MARCHF7: variants seen among roughly 807,000 people sequenced by gnomAD.
The protein encoded by MARCHF7 is E3 ubiquitin-protein ligase MARCHF7.
A neutral mutation model predicts 76.5 loss-of-function variants in MARCHF7; 20 were observed. The observed-to-expected ratio is 0.26, with a 90% CI of 0.18 to 0.38. The LOEUF is 0.38. MARCHF7 is among the 10% of genes least tolerant of loss of function. The pLI, the probability that MARCHF7 is intolerant of heterozygous loss-of-function variation, is 1.00. For synonymous variants in MARCHF7, 295 were observed against 293.0 expected (o/e 1.01, Z -0.07); for missense variants, 797 against 812.9 (o/e 0.98, Z 0.24).
chr2:159,767,146 A>G (rs1036287393), intron 11 of MARCHF7, 138 bp from the exon 12 acceptor site: 8 of 646,200 alleles, frequency 1.2e-5, no homozygotes, highest in African/African-American at 7.4e-5. Context: ...CTGTCATACA[A>G]CTTATCATTT....
intron 8 of MARCHF7, among the ~76,000 whole-genome samples, chr2:159,757,818 A>G (rs566209999): frequency 3.9e-5 from 6 of 152,320 alleles, no homozygotes; most frequent in African/African-American, 1.4e-4. Flanking sequence ...TAGACTCCAA[A>G]AAGACGCTTG....
At chr2:159,764,773 C>A in intron 11 of MARCHF7, 99 bp downstream of exon 11, 2 of 800,870 alleles carry the variant, frequency 2.5e-6, no homozygotes, top group Non-Finnish European at 3.9e-6. Flanking sequence ...CAAATTAGAG[C>A]TCATTTATAG....
intron 4 of MARCHF7, among the ~76,000 whole-genome samples, chr2:159,735,775 T>C (rs542051874): frequency 6.6e-6 from 1 of 152,374 alleles, no homozygotes; most frequent in East Asian, 1.9e-4. Context: ...TGAATAATGC[T>C]GCTATAAACA....
chr2:159,759,777 T>C (rs1248347205), intron 9 of MARCHF7, among the ~76,000 whole-genome samples: 1 of 152,122 alleles, frequency 6.6e-6, no homozygotes, highest in African/African-American at 2.4e-5. Context: ...AGATATGCTG[T>C]AAAAGGAATG....
chr2:159,725,921 G>A (rs899015231), intron 3 of MARCHF7, among the ~76,000 whole-genome samples: 13 of 152,276 alleles, frequency 8.5e-5, no homozygotes, highest in Middle Eastern at 3.4e-3. Flanking sequence ...ATCTTATCAC[G>A]GGTGTTTGGT....
intron 9 of MARCHF7, among the ~76,000 whole-genome samples, chr2:159,762,260 G>A (rs1707203962): frequency 6.6e-6 from 1 of 152,166 alleles, no homozygotes; most frequent in African/African-American, 2.4e-5. Context: ...AGGCAGCTTG[G>A]AAGTGGGAGC....
At chr2:159,715,582 G>A (rs1700944385) in intron 2 of MARCHF7, 99 bp from the exon 3 acceptor site, 1 of 152,132 alleles carries the variant, frequency 6.6e-6, no homozygotes, top group African/African-American at 2.4e-5. Flanking sequence ...CTTAGCTCAA[G>A]GAATCCTCCC....
chr2:159,752,619 G>T, intron 8 of MARCHF7, 48 bp downstream of exon 8: 1 of 1,373,752 alleles, frequency 7.3e-7, no homozygotes, highest in Non-Finnish European at 9.6e-7. Flanking sequence ...AGAGATGCAT[G>T]TATGTATGCG....
At chr2:159,722,804 T>G (rs1701777353) in intron 3 of MARCHF7, among the ~76,000 whole-genome samples, 1 of 152,258 alleles carries the variant, frequency 6.6e-6, no homozygotes. Context: ...TCAATTTATG[T>G]AGAGGAGTTG....
intron 3 of MARCHF7, among the ~76,000 whole-genome samples, chr2:159,719,179 C>T (rs567777923): frequency 7.2e-5 from 11 of 152,166 alleles, no homozygotes; most frequent in African/African-American, 2.7e-4. Flanking sequence ...CGAGGTTTCA[C>T]CGTGTTGGCC....
Position 159,769,625 on chromosome 2 carries a change from A to AGTGTAGCCACT in MARCHF7, c.*2284_*2285insTGTAGCCACTG, listed in dbSNP as rs1443289233. 1 of 138,100 alleles carries AGTGTAGCCACT rather than the reference A, an allele frequency of 7.2e-6. No homozygotes were observed. Among genetic ancestry groups the AGTGTAGCCACT allele is most frequent in the East Asian group, 2.0e-4 (1 of 4,882 alleles). 8.6% of individuals were successfully genotyped at this position (138,100 alleles called of 1,614,324 possible). On this transcript the variant is annotated 3_prime_UTR_variant, in exon 12 of 12. Transcript: ENST00000409175. ...CGAGCCACTGCACTGTAGCCTGGGC[A>AGTGTAGCCACT]GCACAGTGAGACTCCATCATATATA...
chr2:159,759,120 C>G, intron 8 of MARCHF7, 106 bp from the exon 9 acceptor site: 1 of 655,964 alleles, frequency 1.5e-6, no homozygotes, highest in Non-Finnish European at 2.7e-6. Context: ...TTTTCTTCTT[C>G]TTTCCTTTAA....
chr2:159,759,575 C>T (rs1221535435), intron 9 of MARCHF7, among the ~76,000 whole-genome samples: 2 of 151,702 alleles, frequency 1.3e-5, no homozygotes, highest in African/African-American at 2.4e-5. Flanking sequence ...CTTATTTCCC[C>T]ATAGCTGTAA....
rs1197565495 is a variant in MARCHF7 at position 159,767,452 on chromosome 2, A to G, written c.*110A>G. 4 of 677,158 alleles carry G rather than the reference A, an allele frequency of 5.9e-6. No homozygotes were observed. The highest frequency in any genetic ancestry group is 3.3e-4 in the Middle Eastern group (1 of 3,018). 41.9% of individuals were successfully genotyped at this position (677,158 alleles called of 1,614,324 possible). The stretch of plus-strand genomic sequence containing the variant: ...TGCCTAATAAATACATTGACTATAT[A>G]TAAAATGAATATATACATACACATG... On this transcript the variant is annotated 3_prime_UTR_variant, in exon 12 of 12. Coordinates refer to ENST00000409175, the MANE Select transcript of MARCHF7 (RefSeq NM_001282805.2).
At chr2:159,750,544 A>G (rs1181814128) in intron 7 of MARCHF7, among the ~76,000 whole-genome samples, 2 of 151,822 alleles carry the variant, frequency 1.3e-5, no homozygotes, top group African/African-American at 4.9e-5. Context: ...AAAATAAAAT[A>G]AAATAACAGT....
Position 159,763,067 on chromosome 2 carries a change from A to G in MARCHF7, c.2007+74A>G, listed in dbSNP as rs1233054291. 7.7e-6 allele frequency: 6 copies of G among 777,842 alleles called. No homozygotes were observed. The South Asian group carries it at 1.0e-4, about 13-fold the overall frequency. 48.2% of individuals were successfully genotyped at this position (777,842 alleles called of 1,614,324 possible). On this transcript the variant is annotated intron_variant, in intron 10 of 11. Coordinates refer to ENST00000409175, the MANE Select transcript of MARCHF7 (RefSeq NM_001282805.2). ...TATGCCTTGGAAAGCAGATTGTTTC[A>G]TATGTTGACATCTTATTTCCTTTGG... is the stretch of plus-strand genomic sequence containing the variant.
chr2:159,755,813 T>G lies in MARCHF7; in HGVS notation c.1783+3242T>G, dbSNP rs191672896. ...AGGTATGATGGCACTGATTTTGATTTTCATAATCTGTTGGAGGAGTTGGGT... is the reference window on the plus strand; with the variant it reads ...AGGTATGATGGCACTGATTTTGATTGTCATAATCTGTTGGAGGAGTTGGGT... On this transcript the variant is annotated intron_variant, in intron 8 of 11. Transcript: ENST00000409175. Among the ~76,000 whole-genome samples the G allele has an allele frequency of 8.6e-4, 131 of 152,342 alleles. 1 individual carries two copies. The Middle Eastern group carries it at 0.044, about 51-fold the overall frequency.
intron 7 of MARCHF7, among the ~76,000 whole-genome samples, chr2:159,750,655 A>G (rs148955912): frequency 1.4e-3 from 220 of 152,326 alleles, no homozygotes; most frequent in Non-Finnish European, 2.4e-3. Context: ...AAAAACAGAG[A>G]TCTTAGTCCC....
chr2:159,740,126 C>A (rs1034628090), intron 4 of MARCHF7, among the ~76,000 whole-genome samples: 1 of 152,148 alleles, frequency 6.6e-6, no homozygotes, highest in South Asian at 2.1e-4. Flanking sequence ...ATTCCCATTA[C>A]TTCATAGGGA....
Sources: gnomAD v4.1 joint callset for allele counts (sites outside exome capture counted in the v4.1 genomes callset) on GRCh38, gnomAD v4.1.1 for gene constraint, MANE v1.5 for transcripts, NCBI Gene and HGNC (gene_info 2026-07-23, HGNC 2026-07-21) for gene names.